The following TECTA variants were observed in gnomAD, a reference collection of about 807,000 sequenced individuals.
The protein encoded by TECTA is tectorin alpha.
TECTA carries 128 observed loss-of-function variants against 216.8 expected under a neutral mutation model. That is an observed-to-expected ratio of 0.59 (90% confidence interval 0.51 to 0.68). The LOEUF (loss-of-function observed/expected upper bound fraction) is 0.68. Among genes scored for constraint, TECTA ranks in the 30% least tolerant of loss-of-function variants. The pLI is 0.00. For synonymous variants in TECTA, 1,089 were observed against 1,117.1 expected (o/e 0.97, Z 0.50); for missense variants, 2,551 against 2,786.2 (o/e 0.92, Z 1.90).
intron 16 of TECTA, among the ~76,000 whole-genome samples, chr11:121,165,062 G>C (rs1947037356): frequency 6.6e-6 from 1 of 152,212 alleles, no homozygotes; most frequent in Admixed American, 6.5e-5. Context: ...GTATTTGTGA[G>C]GGTCAAAGAA....
intron 16 of TECTA, among the ~76,000 whole-genome samples, chr11:121,162,800 T>C (rs891510194): frequency 6.6e-6 from 1 of 152,328 alleles, no homozygotes; most frequent in South Asian, 2.1e-4. Flanking sequence ...GAGCTGGTTA[T>C]GTCCACCTGG....
At chr11:121,158,844 T>G (rs1157765672) in intron 14 of TECTA, among the ~76,000 whole-genome samples, 1 of 152,182 alleles carries the variant, frequency 6.6e-6, no homozygotes, top group African/African-American at 2.4e-5. Context: ...TAAATAAATG[T>G]AAACCCCCCA....
intron 20 of TECTA, among the ~76,000 whole-genome samples, chr11:121,172,407 C>T (rs1565537310): frequency 6.6e-6 from 1 of 151,758 alleles, no homozygotes; most frequent in Non-Finnish European, 1.5e-5. Context: ...TCTCATTGTC[C>T]AGTTCCCACC....
At position 121,154,561 on chromosome 11, in the gene TECTA, A is replaced by G. The variant is rs528570580; in HGVS notation, c.4305+1481A>G. 1.4e-3 allele frequency among the ~76,000 whole-genome samples: 210 copies of G among 152,360 alleles called. 1 individual carries two copies. Among genetic ancestry groups the G allele is most frequent in the African/African-American group, 5.0e-3 (206 of 41,584 alleles). On this transcript the variant is annotated intron_variant, in intron 13 of 23. Transcript: ENST00000392793. ...GTGTTCCCCAGCCCGGAGACTTACC[A>G]AAACCTATCCATTTCTCAACTGTGC...
chr11:121,125,051 C>G (rs147926861), intron 7 of TECTA, among the ~76,000 whole-genome samples: 5 of 152,370 alleles, frequency 3.3e-5, no homozygotes, highest in African/African-American at 1.2e-4. Flanking sequence ...CAGAGGAGTC[C>G]GTAGTGGCAC....
intron 20 of TECTA, among the ~76,000 whole-genome samples, chr11:121,171,193 C>T (rs1317371172): frequency 2.0e-5 from 3 of 152,068 alleles, no homozygotes; most frequent in African/African-American, 7.2e-5. Context: ...GCATCCTTTC[C>T]CCAATGTATG....
intron 20 of TECTA, among the ~76,000 whole-genome samples, chr11:121,178,036 G>A (rs930024440): frequency 6.6e-6 from 1 of 152,216 alleles, no homozygotes; most frequent in African/African-American, 2.4e-5. Flanking sequence ...TCGGAAAAGC[G>A]CAGTATTGGG....
intron 16 of TECTA, among the ~76,000 whole-genome samples, chr11:121,163,449 T>TG (rs1947020413): frequency 1.7e-5 from 1 of 59,720 alleles, no homozygotes; most frequent in African/African-American, 6.9e-5. Flanking sequence ...GGGACTGTTG[T>TG]GGGGTGGGGG....
At chr11:121,170,670 A>G (rs1947102889) in intron 20 of TECTA, among the ~76,000 whole-genome samples, 1 of 152,094 alleles carries the variant, frequency 6.6e-6, no homozygotes, top group African/African-American at 2.4e-5. Context: ...TATTTCCCTG[A>G]TGATTAGTAA....
rs923381658 is a variant in TECTA, at chr11:121,101,342, G to A, written c.-102G>A. On this transcript the variant is annotated 5_prime_UTR_variant, in exon 1 of 24. Transcript: ENST00000392793. ...AATCAGAAATTATTGGCAACAAGTTGAGGAGAACTGACATGAATTCTTGTT... is the reference window on the plus strand; with the variant it reads ...AATCAGAAATTATTGGCAACAAGTTAAGGAGAACTGACATGAATTCTTGTT... 12 of 152,168 alleles carry A rather than the reference G, an allele frequency of 7.9e-5. No homozygotes were observed. The highest frequency in any genetic ancestry group is 2.9e-4 in the African/African-American group (12 of 41,440). The allele number at this position is 152,168 out of a possible 1,614,324, so 9.4% of individuals were successfully genotyped here.
rs946326081 is a variant in TECTA at position 121,146,360 on chromosome 11, A to G, written c.4105+244A>G. 2.8e-5 allele frequency: 16 copies of G among 566,918 alleles called. 1 individual carries two copies. The Middle Eastern group carries it at 1.9e-3, about 68-fold the overall frequency. The allele number at this position is 566,918 out of a possible 1,614,324, so 35.1% of individuals were successfully genotyped here. ...TGGGTTACCCTGAGGATGAAATAAG[A>G]TCATGCATATAAATCACAGAGTATC... On this transcript the variant is annotated intron_variant, in intron 12 of 23. Coordinates refer to ENST00000392793, the MANE Select transcript of TECTA (RefSeq NM_005422.4).
intron 4 of TECTA, among the ~76,000 whole-genome samples, chr11:121,112,425 C>T (rs140856737): frequency 4.4e-4 from 67 of 152,278 alleles, no homozygotes; most frequent in African/African-American, 1.5e-3. Flanking sequence ...ATACGATCAC[C>T]CGTCTTAGCG....
At chr11:121,142,423 C>A (rs538736255) in intron 11 of TECTA, among the ~76,000 whole-genome samples, 2 of 152,046 alleles carry the variant, frequency 1.3e-5, no homozygotes, top group African/African-American at 2.4e-5. Context: ...AGGCAGCATG[C>A]GTGGGGTTTC....
At chr11:121,183,451 A>C (rs964500151) in intron 20 of TECTA, among the ~76,000 whole-genome samples, 4 of 152,204 alleles carry the variant, frequency 2.6e-5, no homozygotes, top group Non-Finnish European at 5.9e-5. Flanking sequence ...CTGCAGTGGA[A>C]TATGGACCAC....
intron 12 of TECTA, among the ~76,000 whole-genome samples, chr11:121,151,522 A>T (rs12361100): frequency 0.12 from 17,988 of 152,278 alleles, 1,490 homozygotes; most frequent in South Asian, 0.33. Context: ...CAAGGCATAC[A>T]TGTATGCTTA....
chr11:121,102,228 G>A (rs1406354714), intron 1 of TECTA, among the ~76,000 whole-genome samples: 1 of 152,176 alleles, frequency 6.6e-6, no homozygotes, highest in Non-Finnish European at 1.5e-5. Context: ...TGATTCTGAT[G>A]GAAAGCTGTA....
chr11:121,104,726 T>C (rs1308557637), intron 2 of TECTA, among the ~76,000 whole-genome samples: 1 of 151,970 alleles, frequency 6.6e-6, no homozygotes, highest in Non-Finnish European at 1.5e-5. Flanking sequence ...AGCAGGGACT[T>C]TCCCAAGTAG....
In TECTA at chr11:121,118,312, T is replaced by C; in HGVS notation, c.797T>C (p.Phe266Ser). Residue 266 changes from phenylalanine (F) to serine (S), a missense_variant, in exon 7 of 24, where the codon TTC (phenylalanine) becomes TCC (serine). Phe to Ser is a radical substitution (Grantham distance 155, BLOSUM62 -2). Around this residue, in one of 3 missense-constraint regions of TECTA, gnomAD observed 2,375 missense variants for 2,563.9 expected, o/e 0.93. Coordinates refer to ENST00000392793, the MANE Select transcript of TECTA (RefSeq NM_005422.4). ...PANGCTSRGQ[F>S]LRRGEVFWDD... ...TAATGTCATTATTCCCCAGGACAAT[T>C]CCTTCGGCGAGGGGAGGTGTTTTGG... 1 of 1,614,156 alleles carries C rather than the reference T, an allele frequency of 6.2e-7. No homozygotes were observed. The highest frequency in any genetic ancestry group is 8.5e-7 in the Non-Finnish European group (1 of 1,180,046).
At chr11:121,116,544 T>C (rs619115) in intron 6 of TECTA, among the ~76,000 whole-genome samples, 59,741 of 152,132 alleles carry the variant, frequency 0.39, 13,260 homozygotes, top group Non-Finnish European at 0.5. Flanking sequence ...CTTTTCCTCC[T>C]GAGTTATAGG....
Sources: allele counts gnomAD v4.1 joint callset (sites outside exome capture counted in the v4.1 genomes callset), GRCh38; gene constraint gnomAD v4.1.1; regional missense constraint gnomAD v4.1.1; transcripts MANE v1.5; gene names NCBI Gene and HGNC (gene_info 2026-07-23, HGNC 2026-07-21).